The following TRIM9 variants were observed in gnomAD, a reference collection of about 807,000 sequenced individuals.
The protein encoded by TRIM9 is tripartite motif containing 9, also known as E3 ubiquitin-protein ligase TRIM9.
Under a neutral mutation model 78.3 loss-of-function variants are expected in TRIM9, and 26 were observed. The ratio of observed to expected loss-of-function variants is 0.33; its 90% CI spans 0.24 to 0.46. The LOEUF (loss-of-function observed/expected upper bound fraction) is 0.46. TRIM9 is among the 20% of genes least tolerant of loss of function. The pLI is 1.00. For synonymous variants in TRIM9, 398 were observed against 416.5 expected (o/e 0.96, Z 0.54); for missense variants, 787 against 1,036.4 (o/e 0.76, Z 3.30).
Position 51,029,239 on chromosome 14 carries a change from C to A in TRIM9, c.823-3879G>T, listed in dbSNP as rs190939447. 5.3e-5 allele frequency among the ~76,000 whole-genome samples: 8 copies of A among 152,218 alleles called. No homozygotes were observed. In the East Asian group the frequency reaches 1.2e-3, roughly 22 times the overall value. On this transcript the variant is annotated intron_variant, in intron 1 of 12. Transcript: ENST00000684578. Reference sequence around the variant, plus strand: ...TGTCTCGGATCTGAAGTTACAGGCACAGGATGGGTCAAAAGGGTCACTCGA... The same window carrying A: ...TGTCTCGGATCTGAAGTTACAGGCAAAGGATGGGTCAAAAGGGTCACTCGA...
At chr14:50,996,383 G>A in intron 7 of TRIM9, 1 of 985,382 alleles carries the variant, frequency 1.0e-6, no homozygotes, top group Non-Finnish European at 1.2e-6. Flanking sequence ...AAAATAAACT[G>A]AGGCGCTACA....
At position 51,005,175 on chromosome 14, in the gene TRIM9, C is replaced by A. The variant is rs374555865; in HGVS notation, c.1306+3905G>T. Among the ~76,000 whole-genome samples the A allele has an allele frequency of 3.3e-5, 5 of 152,292 alleles. No individual in the cohort carries two copies. In the East Asian group the frequency reaches 9.6e-4, roughly 29 times the overall value. On this transcript the variant is annotated intron_variant, in intron 5 of 12. Transcript: ENST00000684578. ...GCTATCAGCATTAACAGATTACATGCAAGTGTGTGTGCTCATTCCATCCCC... is the reference window on the plus strand; with the variant it reads ...GCTATCAGCATTAACAGATTACATGAAAGTGTGTGTGCTCATTCCATCCCC...
At chr14:51,020,981 G>A (rs925624163) in intron 3 of TRIM9, among the ~76,000 whole-genome samples, 1 of 152,238 alleles carries the variant, frequency 6.6e-6, no homozygotes, top group Non-Finnish European at 1.5e-5. Context: ...AAGTTAAAAT[G>A]TTATGGCTAG....
At chr14:51,048,978 C>T (rs538070111) in intron 1 of TRIM9, among the ~76,000 whole-genome samples, 58 of 140,940 alleles carry the variant, frequency 4.1e-4, no homozygotes, top group Admixed American at 1.1e-3. Flanking sequence ...CATGAGACTC[C>T]ATCTCAAAAA....
chr14:51,061,117 A>C lies in TRIM9; in HGVS notation c.822+33001T>G, dbSNP rs2061320335. On this transcript the variant is annotated intron_variant, in intron 1 of 12. Coordinates refer to ENST00000684578, the MANE Select transcript of TRIM9 (RefSeq NM_001387360.1). ...CTGCTCGAGTATTTTGTCATTTTAA[A>C]AAATTGGATTGTTGGCTGGGCGTGG... 3.3e-5 allele frequency among the ~76,000 whole-genome samples: 5 copies of C among 152,310 alleles called. No homozygotes were observed. In the South Asian group the frequency reaches 1.0e-3, roughly 32 times the overall value.
intron 7 of TRIM9, among the ~76,000 whole-genome samples, chr14:50,989,161 T>C (rs1235043525): frequency 1.3e-5 from 2 of 152,234 alleles, no homozygotes; most frequent in South Asian, 4.1e-4. Context: ...TCACTATGTA[T>C]GGATTCCAAA....
At chr14:51,091,672 TA>T (rs1461113847) in intron 1 of TRIM9, among the ~76,000 whole-genome samples, 3 of 152,372 alleles carry the variant, frequency 2.0e-5, no homozygotes, top group South Asian at 4.1e-4. Context: ...CCTTCTGTCT[TA>T]TTTTTTTTCT....
chr14:51,017,089 C>G (rs1281116234), intron 3 of TRIM9, among the ~76,000 whole-genome samples: 1 of 152,162 alleles, frequency 6.6e-6, no homozygotes, highest in Non-Finnish European at 1.5e-5. Context: ...AAAGAATTCT[C>G]TTGTTTTTTC....
At chr14:51,074,013 A>C (rs2062536042) in intron 1 of TRIM9, among the ~76,000 whole-genome samples, 1 of 152,214 alleles carries the variant, frequency 6.6e-6, no homozygotes, top group Non-Finnish European at 1.5e-5. Context: ...AAATGCTACA[A>C]ATCAGAGCTT....
At chr14:51,041,624 T>C (rs1268659100) in intron 1 of TRIM9, among the ~76,000 whole-genome samples, 1 of 152,256 alleles carries the variant, frequency 6.6e-6, no homozygotes, top group Non-Finnish European at 1.5e-5. Context: ...AGGCAGCCAG[T>C]ATGGTATGAA....
chr14:51,020,789 A>G (rs2057685097), intron 3 of TRIM9, among the ~76,000 whole-genome samples: 1 of 152,212 alleles, frequency 6.6e-6, no homozygotes, highest in South Asian at 2.1e-4. Context: ...GGGATAAATG[A>G]TGCATTCTCA....
At position 50,982,025 on chromosome 14, in the gene TRIM9, C is replaced by T. The variant is rs2051985904; in HGVS notation, c.1937G>A (p.Ser646Asn). Reference protein sequence around the residue: ...LSNDNLTVTCSSYDDRVVLGK... With the variant: ...LSNDNLTVTCNSYDDRVVLGK... ...TAGCACCACCCGGTCATCATAGCTA[C>T]TACAGGTCACTGTCAGGTTGTCATT... Residue 646 changes from serine (S) to asparagine (N), a missense_variant, in exon 11 of 13, where the codon AGT becomes AAT. Ser to Asn is a conservative substitution (Grantham distance 46). Coordinates refer to ENST00000684578, the MANE Select transcript of TRIM9 (RefSeq NM_001387360.1). 1 of 1,614,188 alleles carries T rather than the reference C, an allele frequency of 6.2e-7. No individual in the cohort carries two copies. Among genetic ancestry groups the T allele is most frequent in the Admixed American group, 1.7e-5 (1 of 60,026 alleles).
chr14:51,007,571 AG>A (rs1476424874), intron 5 of TRIM9, among the ~76,000 whole-genome samples: 2 of 152,190 alleles, frequency 1.3e-5, no homozygotes, highest in Non-Finnish European at 2.9e-5. Context: ...TAGCTGTGGG[AG>A]CTCAGGCAAG....
intron 1 of TRIM9, among the ~76,000 whole-genome samples, chr14:51,068,334 C>CAAAAA (rs2061927140): frequency 7.0e-6 from 1 of 143,812 alleles, no homozygotes; most frequent in Admixed American, 6.8e-5. Flanking sequence ...GCACCAAAAA[C>CAAAAA]AAAAACAAAA....
intron 4 of TRIM9, among the ~76,000 whole-genome samples, chr14:51,009,717 T>C (rs887780456): frequency 6.6e-6 from 1 of 152,238 alleles, no homozygotes; most frequent in East Asian, 1.9e-4. Context: ...TGATTATCAC[T>C]GTATTCTTTG....
chr14:51,064,553 T>C lies in TRIM9; in HGVS notation c.822+29565A>G, dbSNP rs549864398. ...GGATATAATAAAGACTAGAAATCAATGAAATTGAGAATAACAGAAATATTT... is the reference window on the plus strand; with the variant it reads ...GGATATAATAAAGACTAGAAATCAACGAAATTGAGAATAACAGAAATATTT... On this transcript the variant is annotated intron_variant, in intron 1 of 12. Transcript: ENST00000684578. Among the ~76,000 whole-genome samples, 3 of 151,964 alleles carry C rather than the reference T, an allele frequency of 2.0e-5. No individual in the cohort carries two copies. In the South Asian group the frequency reaches 6.2e-4, roughly 32 times the overall value.
At chr14:51,068,663 A>G (rs1319418840) in intron 1 of TRIM9, among the ~76,000 whole-genome samples, 1 of 152,222 alleles carries the variant, frequency 6.6e-6, no homozygotes, top group Non-Finnish European at 1.5e-5. Flanking sequence ...TCTTGGCCAG[A>G]CACTGTTTTG....
intron 1 of TRIM9, among the ~76,000 whole-genome samples, chr14:51,048,264 A>T (rs1038288766): frequency 6.6e-6 from 1 of 152,208 alleles, no homozygotes; most frequent in Admixed American, 6.5e-5. Flanking sequence ...CAGGCTTTAG[A>T]GGCTGTGCTG....
At chr14:51,007,568 G>T (rs1387519564) in intron 5 of TRIM9, among the ~76,000 whole-genome samples, 3 of 152,150 alleles carry the variant, frequency 2.0e-5, no homozygotes, top group African/African-American at 7.2e-5. Flanking sequence ...CACTAGCTGT[G>T]GGAGCTCAGG....
Sources: gnomAD v4.1 joint callset for allele counts (sites outside exome capture counted in the v4.1 genomes callset) on GRCh38, gnomAD v4.1.1 for gene constraint, MANE v1.5 for transcripts, NCBI Gene and HGNC (gene_info 2026-07-23, HGNC 2026-07-21) for gene names.